Variants in PTPRE observed in about 807,000 individuals in gnomAD.
The protein encoded by PTPRE is receptor-type tyrosine-protein phosphatase epsilon.
A neutral mutation model predicts 102.0 loss-of-function variants in PTPRE; 51 were observed. The ratio of observed to expected loss-of-function variants is 0.50; its 90% confidence interval spans 0.40 to 0.63. The LOEUF (loss-of-function observed/expected upper bound fraction) is 0.63. Ranked by LOEUF, PTPRE falls within the 30% of genes least tolerant of loss-of-function variation. PTPRE has a pLI of 0.00. For synonymous variants in PTPRE, 345 were observed against 348.2 expected, an observed-to-expected ratio of 0.99 and a Z score of 0.10; for missense variants, 752 against 915.1, an observed-to-expected ratio of 0.82 and a Z score of 2.30.
intron 20 of PTPRE, among the ~76,000 whole-genome samples, chr10:128,082,197 T>TC (rs58070128): frequency 0.49 from 29,658 of 60,356 alleles, 7,250 homozygotes; most frequent in South Asian, 0.6. Context: ...TTCTCTTTCT[T>TC]TTTTTTTTTT....
intron 2 of PTPRE, among the ~76,000 whole-genome samples, chr10:127,996,319 C>T (rs1283162069): frequency 6.6e-6 from 1 of 152,210 alleles, no homozygotes. Context: ...GCTGGCCCGT[C>T]AAAATCGCTT....
In PTPRE at chr10:128,070,936, G is replaced by A. The variant is rs371076872; in HGVS notation, c.1387+35G>A. The A allele has an allele frequency of 6.3e-7, 1 of 1,581,202 alleles. No homozygotes were observed. Among genetic ancestry groups the A allele is most frequent in the Non-Finnish European group, 8.7e-7 (1 of 1,151,080 alleles). The stretch of plus-strand genomic sequence containing the variant: ...CCGTGGCGTGGCTTGGGCAGGGCTG[G>A]GGCGGGGCTGGTGCCGGAGGCTTTC... On this transcript the variant is annotated intron_variant, in intron 15 of 20. Coordinates refer to ENST00000254667, the MANE Select transcript of PTPRE (RefSeq NM_006504.6). This position sits in a 1 kb window ranked among gnomAD's most constrained non-coding sequence, Gnocchi z 4.8.
rs1400441491 is a variant in PTPRE, at chr10:128,085,684, T to C, written c.*2778T>C. The C allele has an allele frequency of 6.6e-6, 1 of 152,668 alleles. No homozygotes were observed. The highest frequency in any genetic ancestry group is 1.5e-5 in the Non-Finnish European group (1 of 68,082). The allele number at this position is 152,668 out of a possible 1,614,324, so 9.5% of individuals were successfully genotyped here. ...TTGTGTTTAACTTATGTGCAGTCTT[T>C]ATAATGTATGTATGTTATTACAGTT... On this transcript the variant is annotated 3_prime_UTR_variant, in exon 21 of 21. Coordinates refer to ENST00000254667, the MANE Select transcript of PTPRE (RefSeq NM_006504.6).
intron 1 of PTPRE, among the ~76,000 whole-genome samples, chr10:127,955,360 G>C (rs1278307722): frequency 6.6e-6 from 1 of 152,132 alleles, no homozygotes; most frequent in Non-Finnish European, 1.5e-5. Context: ...CCAGTGAGGT[G>C]CTTATCGAAG....
At chr10:128,039,187 A>T (rs1847465683) in intron 2 of PTPRE, among the ~76,000 whole-genome samples, 1 of 152,190 alleles carries the variant, frequency 6.6e-6, no homozygotes, top group African/African-American at 2.4e-5. Flanking sequence ...ATTTTTAAAA[A>T]CAGTGTGTGC....
intron 17 of PTPRE, among the ~76,000 whole-genome samples, chr10:128,074,814 G>T (rs1043533132): frequency 3.3e-5 from 5 of 152,126 alleles, no homozygotes; most frequent in Admixed American, 1.3e-4. Flanking sequence ...TAAACTTACT[G>T]TTTAACATTT....
chr10:128,069,975 C>T, intron 13 of PTPRE, 148 bp downstream of exon 13: 1 of 1,212,008 alleles, frequency 8.3e-7, no homozygotes, highest in East Asian at 2.4e-5. Context: ...GCCTTCCCTG[C>T]CCACGCGTGG....
rs769908014 is a variant in PTPRE, at chr10:128,070,004, G to A, written c.1143+177G>A. ...CGCGTGGGACCTCAGGGACTCCCTCGTCCTCATCTTTCCCTCGTATCCTCA... is the reference window on the plus strand; with the variant it reads ...CGCGTGGGACCTCAGGGACTCCCTCATCCTCATCTTTCCCTCGTATCCTCA... On this transcript the variant is annotated intron_variant, in intron 13 of 20. Coordinates refer to ENST00000254667, the MANE Select transcript of PTPRE (RefSeq NM_006504.6). This position sits in a 1 kb window ranked among gnomAD's most constrained non-coding sequence, Gnocchi z 4.8. The A allele has an allele frequency of 2.3e-4, 205 of 904,624 alleles. 2 individuals are homozygous for A. In the East Asian group the frequency reaches 4.4e-3, roughly 20 times the overall value. The allele number at this position is 904,624 out of a possible 1,614,324, so 56.0% of individuals were successfully genotyped here.
intron 1 of PTPRE, among the ~76,000 whole-genome samples, chr10:127,920,610 C>G (rs1022548024): frequency 6.6e-6 from 1 of 152,182 alleles, no homozygotes; most frequent in Non-Finnish European, 1.5e-5. Flanking sequence ...CGTGGACTTC[C>G]CTGGTCTCTC....
chr10:127,938,852 T>G (rs1350432300), intron 1 of PTPRE, among the ~76,000 whole-genome samples: 1 of 152,156 alleles, frequency 6.6e-6, no homozygotes, highest in East Asian at 1.9e-4. Flanking sequence ...CCCAGGTCTC[T>G]CTTCTCTGAC....
At chr10:128,077,334 G>A (rs78007617) in intron 18 of PTPRE, among the ~76,000 whole-genome samples, 2 of 152,230 alleles carry the variant, frequency 1.3e-5, no homozygotes, top group African/African-American at 4.8e-5. Flanking sequence ...CAGCAGAGCT[G>A]CCAAGGATCC....
At chr10:127,945,762 C>T (rs776952394) in intron 1 of PTPRE, among the ~76,000 whole-genome samples, 1 of 152,142 alleles carries the variant, frequency 6.6e-6, no homozygotes, top group African/African-American at 2.4e-5. Context: ...AGATTCATCA[C>T]CCCTCTCTCC....
chr10:127,937,019 C>T (rs1030803480), intron 1 of PTPRE, among the ~76,000 whole-genome samples: 1 of 152,148 alleles, frequency 6.6e-6, no homozygotes, highest in African/African-American at 2.4e-5. Flanking sequence ...ACAACACCCC[C>T]AATCTCAGTC....
intron 1 of PTPRE, among the ~76,000 whole-genome samples, chr10:127,977,656 G>A (rs1851281302): frequency 6.6e-6 from 1 of 152,234 alleles, no homozygotes; most frequent in African/African-American, 2.4e-5. Flanking sequence ...TCTAAATGCT[G>A]TAGTTTTATT....
At chr10:127,968,861 G>A (rs1236727419) in intron 1 of PTPRE, among the ~76,000 whole-genome samples, 10 of 152,226 alleles carry the variant, frequency 6.6e-5, no homozygotes, top group Non-Finnish European at 1.3e-4. Flanking sequence ...GTGATTGTGC[G>A]TTAAGTTCTG....
intron 10 of PTPRE, 60 bp downstream of exon 10, chr10:128,063,240 G>A: frequency 6.3e-7 from 1 of 1,595,814 alleles, no homozygotes; most frequent in Middle Eastern, 1.7e-4. Flanking sequence ...GCCGGGCTGG[G>A]GATGTTCTTA....
intron 2 of PTPRE, among the ~76,000 whole-genome samples, chr10:128,013,514 T>C (rs1327472478): frequency 1.3e-5 from 2 of 152,122 alleles, no homozygotes; most frequent in Admixed American, 6.6e-5. Flanking sequence ...GGTCACATGG[T>C]AGACAGAGGA....
chr10:128,021,447 G>A (rs1845877502), intron 2 of PTPRE, among the ~76,000 whole-genome samples: 1 of 152,202 alleles, frequency 6.6e-6, no homozygotes, highest in Admixed American at 6.5e-5. Context: ...GGGATTTAAT[G>A]GACTCTGAGT....
intron 2 of PTPRE, among the ~76,000 whole-genome samples, chr10:127,983,397 A>G (rs888591744): frequency 6.6e-6 from 1 of 151,908 alleles, no homozygotes; most frequent in Non-Finnish European, 1.5e-5. Context: ...TGAATGGGGA[A>G]CTCTTCTTGG....
Sources: allele counts gnomAD v4.1 joint callset (sites outside exome capture counted in the v4.1 genomes callset), GRCh38; gene constraint gnomAD v4.1.1; non-coding constraint Gnocchi (gnomAD v3.1); transcripts MANE v1.5; gene names NCBI Gene and HGNC (gene_info 2026-07-23, HGNC 2026-07-21).